PGM5: variants seen among roughly 807,000 people sequenced by gnomAD.
The protein encoded by PGM5 is phosphoglucomutase-like protein 5.
In PGM5, 23 loss-of-function variants were observed where a neutral mutation model predicts 59.2. The observed-to-expected ratio is 0.39, with a 90% CI of 0.28 to 0.55. The LOEUF is 0.55. Ranked by LOEUF, PGM5 falls within the 20% of genes least tolerant of loss-of-function variation. The pLI is 0.66. For missense variants in PGM5, 574 were observed against 748.3 expected, an observed-to-expected ratio of 0.77 and a Z score of 2.72; for synonymous variants, 214 against 286.0, an observed-to-expected ratio of 0.75 and a Z score of 2.54.
intron 6 of PGM5, among the ~76,000 whole-genome samples, chr9:68,458,007 G>C (rs1241040947): frequency 1.3e-5 from 2 of 152,124 alleles, no homozygotes; most frequent in Non-Finnish European, 2.9e-5. Context: ...CCCAGCCCTA[G>C]ACCCTCGGCA....
In PGM5 at chr9:68,437,636, T is replaced by C. The variant is rs571742991; in HGVS notation, c.1044-27457T>C. 1.3e-5 allele frequency among the ~76,000 whole-genome samples: 2 copies of C among 152,224 alleles called. No individual in the cohort carries two copies. The highest frequency in any genetic ancestry group is 6.5e-5 in the Admixed American group (1 of 15,278). ...TTTACCCACACATGCATATACTGTA[T>C]ATACACACCCACAATACTTTGTAGA... On this transcript the variant is annotated intron_variant, in intron 6 of 10. Coordinates refer to ENST00000396396, the MANE Select transcript of PGM5 (RefSeq NM_021965.4). The surrounding 1 kb of genome is among the most constrained non-coding windows in gnomAD (Gnocchi z 4.1).
intron 6 of PGM5, among the ~76,000 whole-genome samples, chr9:68,433,611 T>C (rs550388684): frequency 1.5e-3 from 231 of 152,334 alleles, no homozygotes; most frequent in Admixed American, 4.1e-3. Flanking sequence ...TCGAATCAGT[T>C]TGATGGCTGT....
intron 1 of PGM5, chr9:68,371,676 A>G (rs1314941899): frequency 8.5e-5 from 13 of 152,136 alleles, no homozygotes; most frequent in Admixed American, 5.2e-4. Context: ...GTCAAGACTC[A>G]TACCTATGCC....
At chr9:68,443,385 G>A (rs1334648598) in intron 6 of PGM5, among the ~76,000 whole-genome samples, 4 of 152,016 alleles carry the variant, frequency 2.6e-5, no homozygotes, top group African/African-American at 9.7e-5. Flanking sequence ...GACTTCATGA[G>A]GGAGTTTCTG....
At chr9:68,403,662 T>C (rs1554680867) in intron 6 of PGM5, among the ~76,000 whole-genome samples, 1 of 152,310 alleles carries the variant, frequency 6.6e-6, no homozygotes, top group Non-Finnish European at 1.5e-5. Flanking sequence ...TTAGTCAATA[T>C]TGGTACCAGA....
At chr9:68,465,306 C>A in intron 7 of PGM5, 98 bp downstream of exon 7, 1 of 833,774 alleles carries the variant, frequency 1.2e-6, no homozygotes, top group Non-Finnish European at 2.0e-6. Flanking sequence ...TACAGAGGAA[C>A]AGTTAAGTAG....
intron 5 of PGM5, 149 bp from the exon 6 acceptor site, chr9:68,392,170 C>A: frequency 3.6e-6 from 3 of 837,228 alleles, no homozygotes; most frequent in Non-Finnish European, 5.0e-6. Context: ...TCAGAGATTT[C>A]GAAGAATGTT....
chr9:68,445,685 C>T (rs1212944774), intron 6 of PGM5, among the ~76,000 whole-genome samples: 2 of 152,142 alleles, frequency 1.3e-5, no homozygotes. Context: ...TTGTTCTGAT[C>T]GTATGAAGAC....
chr9:68,438,286 CAAAAAAAA>C (rs34047393), intron 6 of PGM5, among the ~76,000 whole-genome samples: 34 of 34,832 alleles, frequency 9.8e-4, no homozygotes, highest in African/African-American at 2.4e-3. Context: ...GAGACTCTGT[CAAAAAAAA>C]AAAAAAAAAA....
At chr9:68,380,379 TA>T (rs1334316915) in intron 2 of PGM5, among the ~76,000 whole-genome samples, 1 of 151,858 alleles carries the variant, frequency 6.6e-6, no homozygotes, top group Non-Finnish European at 1.5e-5. Context: ...ACAGGGAAAT[TA>T]AAAAATACTT....
intron 6 of PGM5, among the ~76,000 whole-genome samples, chr9:68,438,286 CAAAAAAA>C (rs34047393): frequency 2.3e-4 from 8 of 34,830 alleles, no homozygotes; most frequent in South Asian, 1.3e-3. Flanking sequence ...GAGACTCTGT[CAAAAAAA>C]AAAAAAAAAA....
chr9:68,360,788 A>G (rs1209827100), intron 1 of PGM5, among the ~76,000 whole-genome samples: 3 of 152,238 alleles, frequency 2.0e-5, no homozygotes, highest in Non-Finnish European at 4.4e-5. Flanking sequence ...CTAAATCTTT[A>G]GTACAGATTT....
intron 6 of PGM5, chr9:68,405,520 G>C (rs1305327358): frequency 6.6e-6 from 1 of 152,518 alleles, no homozygotes; most frequent in African/African-American, 2.4e-5. Flanking sequence ...AATTGGAACA[G>C]TGGTTCTTGC....
Position 68,529,687 on chromosome 9 carries a change from G to T in PGM5, c.*31G>T. Reference sequence around the variant, plus strand: ...GGAAAGATCACTCACCAGGGCCAAAGAGAGTGCTCAGCGGGAGATGCTTCA... The same window carrying T: ...GGAAAGATCACTCACCAGGGCCAAATAGAGTGCTCAGCGGGAGATGCTTCA... On this transcript the variant is annotated 3_prime_UTR_variant, in exon 11 of 11. Coordinates refer to ENST00000396396, the MANE Select transcript of PGM5 (RefSeq NM_021965.4). 1 of 1,405,858 alleles carries T rather than the reference G, an allele frequency of 7.1e-7. No homozygotes were observed. The highest frequency in any genetic ancestry group is 1.2e-5 in the South Asian group (1 of 80,332). The allele number at this position is 1,405,858 out of a possible 1,614,324, so 87.1% of individuals were successfully genotyped here.
chr9:68,490,351 TG>T (rs1353115387), intron 9 of PGM5, among the ~76,000 whole-genome samples: 1 of 152,238 alleles, frequency 6.6e-6, no homozygotes, highest in East Asian at 1.9e-4. Context: ...GTTGTTGTTT[TG>T]TTTTTTGTTT....
intron 9 of PGM5, chr9:68,497,014 T>C (rs544808495): frequency 1.3e-5 from 2 of 152,302 alleles, no homozygotes; most frequent in East Asian, 3.9e-4. Context: ...GGCTTAAACA[T>C]AGGTAACAGC....
At chr9:68,399,113 A>T (rs1218305368) in intron 6 of PGM5, 1 of 152,138 alleles carries the variant, frequency 6.6e-6, no homozygotes, top group South Asian at 2.1e-4. Flanking sequence ...ACACTTTAAG[A>T]TCCTCTTGAT....
intron 6 of PGM5, among the ~76,000 whole-genome samples, chr9:68,442,533 G>A (rs79190989): frequency 0.012 from 1,874 of 152,318 alleles, 41 homozygotes; most frequent in African/African-American, 0.042. Flanking sequence ...AAAGTGCTGG[G>A]AGTAATCACA....
intron 6 of PGM5, among the ~76,000 whole-genome samples, chr9:68,416,408 T>C (rs1484649846): frequency 2.0e-5 from 3 of 152,212 alleles, no homozygotes; most frequent in Non-Finnish European, 2.9e-5. Flanking sequence ...AGTTGCCTAC[T>C]GTGGTAATTG....
Sources: allele counts gnomAD v4.1 joint callset (sites outside exome capture counted in the v4.1 genomes callset), GRCh38; gene constraint gnomAD v4.1.1; non-coding constraint Gnocchi (gnomAD v3.1); transcripts MANE v1.5; gene names NCBI Gene and HGNC (gene_info 2026-07-23, HGNC 2026-07-21).